CD109: variants seen among roughly 807,000 people sequenced by gnomAD.
CD109 encodes the protein CD109 antigen.
Under a neutral mutation model 165.8 loss-of-function variants are expected in CD109, and 149 were observed. The observed-to-expected ratio is 0.90, with a 90% CI of 0.79 to 1.03. CD109 has a LOEUF of 1.03. Ranked by LOEUF, CD109 falls within the 50% of genes least tolerant of loss-of-function variation. CD109 has a pLI of 0.00. For synonymous variants in CD109, 585 were observed against 592.1 expected (o/e 0.99, Z 0.18); for missense variants, 1,712 against 1,677.8 (o/e 1.02, Z -0.36).
Position 73,806,911 on chromosome 6 carries a change from T to A in CD109, c.3028T>A (p.Leu1010Ile), listed in dbSNP as rs1466199998. Reference protein sequence around the residue: ...DPYIDIDQNVLHRTYTWLKGH... With the variant: ...DPYIDIDQNVIHRTYTWLKGH... ...TTACATAGATATTGATCAGAATGTG[T>A]TACACAGAACATACACTTGGCTTAA... The change falls in exon 25 of 33, where the codon TTA becomes ATA. Residue 1010 changes from leucine (L) to isoleucine (I), a missense_variant. Physicochemically the swap from Leu to Ile is conservative, Grantham distance 5. Coordinates refer to ENST00000287097, the MANE Select transcript of CD109 (RefSeq NM_133493.5). 1 of 1,613,972 alleles carries A rather than the reference T, an allele frequency of 6.2e-7. No individual in the cohort carries two copies. Among genetic ancestry groups the A allele is most frequent in the Non-Finnish European group, 8.5e-7 (1 of 1,179,958 alleles).
chr6:73,785,852 T>G (rs547967227), intron 20 of CD109, among the ~76,000 whole-genome samples: 5 of 151,862 alleles, frequency 3.3e-5, no homozygotes, highest in Admixed American at 2.6e-4. Context: ...TTTTGTTTTT[T>G]TTTTTTTTTT....
At chr6:73,679,791 T>C in the CD109 span, among the ~76,000 whole-genome samples, 8 of 152,086 alleles carry the variant, frequency 5.3e-5, no homozygotes, top group East Asian at 3.9e-4. Flanking sequence ...CGAGCCACCA[T>C]GCCCAGCTAA....
At chr6:73,742,326 G>A (rs1772820033) in intron 5 of CD109, among the ~76,000 whole-genome samples, 2 of 151,960 alleles carry the variant, frequency 1.3e-5, no homozygotes, top group Admixed American at 1.3e-4. Context: ...CCATGTTGTA[G>A]CATATATCAG....
intron 22 of CD109, among the ~76,000 whole-genome samples, chr6:73,791,146 T>C (rs1292860582): frequency 0.04 from 1,051 of 26,182 alleles, 12 homozygotes; most frequent in African/African-American, 0.066. Flanking sequence ...CATATATATA[T>C]ATATATATAT....
chr6:73,792,551 T>C, intron 22 of CD109, 75 bp from the exon 23 acceptor site: 1 of 1,284,238 alleles, frequency 7.8e-7, no homozygotes, highest in South Asian at 1.2e-5. Flanking sequence ...CTGTACTCAG[T>C]GGAAGTCTCT....
At chr6:73,783,061 C>T (rs1356203059) in intron 18 of CD109, among the ~76,000 whole-genome samples, 1 of 149,582 alleles carries the variant, frequency 6.7e-6, no homozygotes, top group African/African-American at 2.5e-5. Flanking sequence ...GCTGGGAGTA[C>T]ATTTGTTGTC....
rs150969381 is a variant in CD109, at chr6:73,769,395, C to T, written c.1674+1164C>T. ...AAAGTAGAAGTTATGGAGGCTTAAA[C>T]ATCTCAGAAAGCAAGACCAGGTTCT... is the stretch of plus-strand genomic sequence containing the variant. On this transcript the variant is annotated intron_variant, in intron 14 of 32. Coordinates refer to ENST00000287097, the MANE Select transcript of CD109 (RefSeq NM_133493.5). Among the ~76,000 whole-genome samples, 505 of 152,232 alleles carry T rather than the reference C, an allele frequency of 3.3e-3. 3 individuals are homozygous for T. Among genetic ancestry groups the T allele is most frequent in the African/African-American group, 0.011 (476 of 41,514 alleles).
At chr6:73,709,205 A>G (rs1290448185) in intron 2 of CD109, among the ~76,000 whole-genome samples, 3 of 152,184 alleles carry the variant, frequency 2.0e-5, no homozygotes, top group Non-Finnish European at 4.4e-5. Context: ...ATCCAGTTTC[A>G]GCTTTCTACA....
intron 5 of CD109, among the ~76,000 whole-genome samples, chr6:73,737,553 A>T (rs575771442): frequency 6.6e-6 from 1 of 152,264 alleles, no homozygotes; most frequent in Non-Finnish European, 1.5e-5. Flanking sequence ...TGTAATGCAT[A>T]ACCATTAAAG....
chr6:73,728,107 G>C (rs551049175), intron 3 of CD109, among the ~76,000 whole-genome samples: 1 of 152,286 alleles, frequency 6.6e-6, no homozygotes, highest in South Asian at 2.1e-4. Context: ...GATCACTTGA[G>C]TTCAGGAATT....
chr6:73,808,322 A>C lies in CD109; in HGVS notation c.3355+74A>C, dbSNP rs112168307. The stretch of plus-strand genomic sequence containing the variant: ...ACTTACATGAGAAAAATTTTTAGCC[A>C]GGTTTGAAATTGATTACATCTGCAT... On this transcript the variant is annotated intron_variant, in intron 26 of 32. Transcript: ENST00000287097. 1.1e-5 allele frequency: 16 copies of C among 1,476,734 alleles called. No homozygotes were observed. The African/African-American group carries it at 1.6e-4, about 14-fold the overall frequency. 91.5% of individuals were successfully genotyped at this position (1,476,734 alleles called of 1,614,324 possible). A position where few individuals can be genotyped will look rare whatever the true frequency, so the allele number is the denominator to read the frequency against.
chr6:73,791,164 TATATATATATATACACACAC>T (rs1774934650), intron 22 of CD109, among the ~76,000 whole-genome samples: 1 of 64,100 alleles, frequency 1.6e-5, no homozygotes, highest in African/African-American at 7.3e-5. Flanking sequence ...TATATATATA[TATATATATATATACACACAC>T]ACACATACAT....
rs1370249792 is a variant in CD109 at position 73,696,236 on chromosome 6, G to A, written c.21G>A (p.Leu7=). The change falls in exon 1 of 33, where the codon CTG becomes CTA. Residue 7 remains leucine (L), a synonymous_variant. Transcript: ENST00000287097. Reference sequence around the variant, plus strand: ...TCGAGATGCAGGGCCCACCGCTCCTGACCGCCGCCCACCTCCTCTGCGTGT... The same window carrying A: ...TCGAGATGCAGGGCCCACCGCTCCTAACCGCCGCCCACCTCCTCTGCGTGT... MQGPPL[L]TAAHLLCVCT... is the part of the protein sequence containing the mutation. The A allele has an allele frequency of 1.3e-6, 2 of 1,544,510 alleles. No homozygotes were observed. Among genetic ancestry groups the A allele is most frequent in the Non-Finnish European group, 1.7e-6 (2 of 1,149,560 alleles).
At position 73,825,043 on chromosome 6, in the gene CD109, T is replaced by C. The variant is rs772399678; in HGVS notation, c.*1410T>C. 1 of 152,108 alleles carries C rather than the reference T, an allele frequency of 6.6e-6. No homozygotes were observed. The highest frequency in any genetic ancestry group is 1.5e-5 in the Non-Finnish European group (1 of 68,036). The allele number at this position is 152,108 out of a possible 1,614,324, so 9.4% of individuals were successfully genotyped here. A position where few individuals can be genotyped will look rare whatever the true frequency, so the allele number is the denominator to read the frequency against. ...TATTTAAAAATAAATCCATCAAAAA[T>C]AAAGTATGCAAATGTATCTTTTAAA... On this transcript the variant is annotated 3_prime_UTR_variant, in exon 33 of 33. Transcript: ENST00000287097.
At chr6:73,686,363 G>C in the CD109 span, among the ~76,000 whole-genome samples, 1 of 152,128 alleles carries the variant, frequency 6.6e-6, no homozygotes, top group Non-Finnish European at 1.5e-5. Flanking sequence ...TTGTTTGATA[G>C]TGTTTTGCAC....
At chr6:73,711,809 TTACAGGCGTGAGCCACCGCGCCCGGCC>T (rs1201850793) in intron 2 of CD109, among the ~76,000 whole-genome samples, 7,526 of 25,704 alleles carry the variant, frequency 0.29, 2,316 homozygotes, top group Non-Finnish European at 0.51. Flanking sequence ...AGTGCTGGGA[TTACAGGCGTGAGCCACCGCGCCCGGCC>T]TAAGTTTTTA....
rs41265543 is a variant in CD109 at position 73,771,437 on chromosome 6, A to G, written c.1683A>G (p.Leu561=). The G allele has an allele frequency of 1.2e-4, 196 of 1,604,472 alleles. No homozygotes were observed. The African/African-American group carries it at 2.2e-3, about 18-fold the overall frequency. The part of the protein sequence containing the change: ...VQLVFKNKIK[L]YWSKVKAEPS... ...CTTTCTCTCTTTTTTAGATAAAGCT[A>G]TATTGGAGTAAAGTGAAAGCTGAAC... The change falls in exon 15 of 33, where the codon CTA becomes CTG. Residue 561 remains leucine (L), a synonymous_variant. Transcript: ENST00000287097.
chr6:73,820,434 C>A (rs746656431), intron 31 of CD109, 27 bp from the exon 32 acceptor site: 1 of 1,317,252 alleles, frequency 7.6e-7, no homozygotes, highest in South Asian at 1.2e-5. Flanking sequence ...TGTGCCAACC[C>A]CTTAAGACTC....
At chr6:73,679,631 T>TG in the CD109 span, among the ~76,000 whole-genome samples, 1 of 151,566 alleles carries the variant, frequency 6.6e-6, no homozygotes, top group Non-Finnish European at 1.5e-5. Flanking sequence ...CTTTTCTGTT[T>TG]TTTTTTGTTT....
Sources: allele counts gnomAD v4.1 joint callset (sites outside exome capture counted in the v4.1 genomes callset), GRCh38; gene constraint gnomAD v4.1.1; transcripts MANE v1.5; gene names NCBI Gene and HGNC (gene_info 2026-07-23, HGNC 2026-07-21).